SLC25A18: variants seen among roughly 807,000 people sequenced by gnomAD.
SLC25A18 encodes mitochondrial glutamate carrier 2.
SLC25A18 carries 24 observed loss-of-function variants against 31.1 expected under a neutral mutation model. That is an observed-to-expected ratio of 0.77 (90% CI 0.56 to 1.08). The LOEUF (loss-of-function observed/expected upper bound fraction) is 1.08, where lower values mean the gene tolerates loss of function less well. Ranked by LOEUF, SLC25A18 falls within the 50% of genes least tolerant of loss-of-function variation. The pLI, the probability that SLC25A18 is intolerant of heterozygous loss-of-function variation, is 0.00. For missense variants in SLC25A18, 371 were observed against 418.5 expected, an observed-to-expected ratio of 0.89 and a Z score of 0.99; for synonymous variants, 173 against 161.9, an observed-to-expected ratio of 1.07 and a Z score of -0.52.
At chr22:17,587,898 TCA>T (rs775177441) in intron 8 of SLC25A18, 25 bp from the exon 9 acceptor site, 1 of 1,613,710 alleles carries the variant, frequency 6.2e-7, no homozygotes, top group Non-Finnish European at 8.5e-7. Flanking sequence ...AGCTCGGAGC[TCA>T]GTGTTTCTCC....
chr22:17,587,387 G>A, intron 8 of SLC25A18, 86 bp downstream of exon 8: 11 of 1,468,168 alleles, frequency 7.5e-6, no homozygotes, highest in Non-Finnish European at 1.0e-5. Context: ...CTGCCTCTGT[G>A]TCCTTCCCAG....
At chr22:17,567,213 C>T (rs1443410108) in intron 1 of SLC25A18, among the ~76,000 whole-genome samples, 2 of 152,188 alleles carry the variant, frequency 1.3e-5, no homozygotes, top group African/African-American at 4.8e-5. Context: ...CTTTTATGTG[C>T]CAGGCACTGT....
At chr22:17,588,416 A>G (rs1257180545) in intron 9 of SLC25A18, 1 of 259,276 alleles carries the variant, frequency 3.9e-6, no homozygotes, top group Non-Finnish European at 7.4e-6. Flanking sequence ...GGAGCCCAGC[A>G]CTTTTGGATC....
At chr22:17,564,557 A>T (rs174360) in intron 1 of SLC25A18, among the ~76,000 whole-genome samples, 88,528 of 151,276 alleles carry the variant, frequency 0.59, 26,841 homozygotes, top group African/African-American at 0.76. Flanking sequence ...AGTAAAAAAA[A>T]TTTTTAGAAA....
Position 17,587,298 on chromosome 22 carries a change from T to G in SLC25A18, c.572T>G (p.Leu191Arg). 1.2e-6 allele frequency: 2 copies of G among 1,610,646 alleles called. No homozygotes were observed. Among genetic ancestry groups the G allele is most frequent in the Non-Finnish European group, 1.7e-6 (2 of 1,179,032 alleles). ...GLYRGLGATL[L>R]RDIPFSIIYF... is the part of the protein sequence containing the mutation. ...TACAGGGGCCTGGGTGCCACTCTCC[T>G]CAGGTGAGCCTTTCTTCCGGTTCCC... Residue 191 changes from leucine to arginine, a missense_variant, in exon 8 of 11, where the codon CTC (leucine) becomes CGC (arginine). Transcript: ENST00000327451.
At chr22:17,566,886 C>G (rs1466565155) in intron 1 of SLC25A18, among the ~76,000 whole-genome samples, 1 of 152,150 alleles carries the variant, frequency 6.6e-6, no homozygotes, top group South Asian at 2.1e-4. Context: ...ATGGGCCGGC[C>G]GTGATGGCTC....
rs997772584 is a variant in SLC25A18, at chr22:17,587,077, G to A, written c.410-59G>A. The A allele has an allele frequency of 3.2e-6, 5 of 1,573,056 alleles. No individual in the cohort carries two copies. The African/African-American group carries it at 6.7e-5, about 21-fold the overall frequency. On this transcript the variant is annotated intron_variant, in intron 7 of 10. Coordinates refer to ENST00000327451, the MANE Select transcript of SLC25A18 (RefSeq NM_031481.3). ...GGGCAGGGATTGAGAGCCACACTCAGGAGTGTTTCGTAGCATCTGTTGGGG... is the reference window on the plus strand; with the variant it reads ...GGGCAGGGATTGAGAGCCACACTCAAGAGTGTTTCGTAGCATCTGTTGGGG...
chr22:17,577,746 A>C (rs1486782436), intron 2 of SLC25A18, among the ~76,000 whole-genome samples: 2 of 148,630 alleles, frequency 1.3e-5, no homozygotes, highest in Non-Finnish European at 3.0e-5. Flanking sequence ...ATTCCCCGCT[A>C]ATTTTTGTGT....
intron 8 of SLC25A18, 97 bp from the exon 9 acceptor site, chr22:17,587,828 T>C: frequency 6.6e-7 from 1 of 1,513,932 alleles, no homozygotes; most frequent in Non-Finnish European, 9.1e-7. Context: ...CTCCTCTCAC[T>C]GTAAGCCCCA....
At chr22:17,566,499 G>A (rs1390088920) in intron 1 of SLC25A18, among the ~76,000 whole-genome samples, 2 of 151,472 alleles carry the variant, frequency 1.3e-5, no homozygotes, top group Non-Finnish European at 2.9e-5. Context: ...TACAACCTCC[G>A]CCTCACGGGT....
intron 2 of SLC25A18, among the ~76,000 whole-genome samples, chr22:17,572,437 A>G (rs2057115080): frequency 6.8e-6 from 1 of 148,002 alleles, no homozygotes; most frequent in Non-Finnish European, 1.5e-5. Flanking sequence ...GTGAGCCGAG[A>G]TCGTGCCATT....
intron 10 of SLC25A18, 78 bp from the exon 11 acceptor site, chr22:17,590,017 C>T (rs2057674087): frequency 1.3e-6 from 2 of 1,579,326 alleles, no homozygotes; most frequent in South Asian, 1.1e-5. Context: ...GAGAGGTGCA[C>T]AAATGGAGAG....
intron 9 of SLC25A18, 112 bp from the exon 10 acceptor site, chr22:17,589,478 T>G: frequency 3.3e-6 from 3 of 907,658 alleles, no homozygotes; most frequent in Non-Finnish European, 5.2e-6. Flanking sequence ...GCCCGGCCTA[T>G]GAGTCAGTTT....
intron 5 of SLC25A18, 79 bp from the exon 6 acceptor site, chr22:17,582,484 G>A: frequency 6.3e-6 from 8 of 1,261,422 alleles, no homozygotes; most frequent in Admixed American, 2.2e-5. Context: ...GGACTGGCCT[G>A]GCTAGGGCTG....
In SLC25A18 at chr22:17,582,564, G is replaced by A. The variant is rs778189194; in HGVS notation, c.201G>A (p.Gly67=). 17 of 1,593,858 alleles carry A rather than the reference G, an allele frequency of 1.1e-5. No homozygotes were observed. In the East Asian group the frequency reaches 3.4e-4, roughly 32 times the overall value. The part of the protein sequence containing the change: ...RAEGFFGMYR[G]AAVNLTLVTP... Reference sequence around the variant, plus strand: ...CCCCATCTTGTCCTTCACTTCCAGGGGCTGCAGTGAACCTCACTCTGGTCA... The same window carrying A: ...CCCCATCTTGTCCTTCACTTCCAGGAGCTGCAGTGAACCTCACTCTGGTCA... Residue 67 remains glycine, a splice_region_variant and synonymous_variant, in exon 6 of 11, where the codon GGG becomes GGA. Coordinates refer to ENST00000327451, the MANE Select transcript of SLC25A18 (RefSeq NM_031481.3).
chr22:17,570,880 AT>A (rs2057069831), intron 2 of SLC25A18, among the ~76,000 whole-genome samples: 1 of 152,228 alleles, frequency 6.6e-6, no homozygotes, highest in South Asian at 2.1e-4. Context: ...TGAATATTCA[AT>A]GGGTTAACAG....
At chr22:17,581,010 C>G in intron 3 of SLC25A18, 27 bp from the exon 4 acceptor site, 5 of 1,529,812 alleles carry the variant, frequency 3.3e-6, no homozygotes, top group Non-Finnish European at 4.4e-6. Flanking sequence ...CTGCCTCTCT[C>G]CTCCCCCTGT....
intron 2 of SLC25A18, among the ~76,000 whole-genome samples, chr22:17,575,606 G>C (rs1048915720): frequency 6.6e-6 from 1 of 152,150 alleles, no homozygotes; most frequent in Non-Finnish European, 1.5e-5. Flanking sequence ...GCTTAAGTCA[G>C]GTCTCCATCC....
Position 17,590,474 on chromosome 22 carries a change from C to A in SLC25A18, c.*238C>A. On this transcript the variant is annotated 3_prime_UTR_variant, in exon 11 of 11. Transcript: ENST00000327451. ...ACAGCTACCAGGGGCTTTTGGAAGC[C>A]CCTAACCACCTACTTTTCAACAAAA... The A allele has an allele frequency of 2.3e-6, 1 of 436,562 alleles. No individual in the cohort carries two copies. Among genetic ancestry groups the A allele is most frequent in the Non-Finnish European group, 4.1e-6 (1 of 246,300 alleles). 27.0% of individuals were successfully genotyped at this position (436,562 alleles called of 1,614,324 possible). A position where few individuals can be genotyped will look rare whatever the true frequency, so the allele number is the denominator to read the frequency against.
Sources: gnomAD v4.1 joint callset for allele counts (sites outside exome capture counted in the v4.1 genomes callset) on GRCh38, gnomAD v4.1.1 for gene constraint, MANE v1.5 for transcripts, NCBI Gene and HGNC (gene_info 2026-07-23, HGNC 2026-07-21) for gene names.